Variants in POU6F2 observed in about 807,000 individuals in gnomAD.
The protein encoded by POU6F2 is POU domain, class 6, transcription factor 2.
POU6F2 carries 31 observed loss-of-function variants against 71.3 expected under a neutral mutation model. The observed-to-expected ratio is 0.43, with a 90% CI of 0.33 to 0.59. The LOEUF is 0.59. Ranked by LOEUF, POU6F2 falls within the 20% of genes least tolerant of loss-of-function variation. POU6F2 has a pLI of 0.04. For synonymous variants in POU6F2, 347 were observed against 355.7 expected (o/e 0.98, Z 0.27); for missense variants, 783 against 856.8 (o/e 0.91, Z 1.07).
At position 39,348,841 on chromosome 7, in the gene POU6F2, A is replaced by AT. The variant is rs1786081191; in HGVS notation, c.972+8827dup. Reference sequence around the variant, plus strand: ...GCTGCATGCTATATCCTGTTCCTGTATATTTTGCAAAGATTATTTGAATAC... The same window carrying AT: ...GCTGCATGCTATATCCTGTTCCTGTATTATTTTGCAAAGATTATTTGAATAC... On this transcript the variant is annotated intron_variant, in intron 5 of 9. Coordinates refer to ENST00000518318, the MANE Select transcript of POU6F2 (RefSeq NM_001370959.1). Among the ~76,000 whole-genome samples, 3 of 152,334 alleles carry AT rather than the reference A, an allele frequency of 2.0e-5. No homozygotes were observed. The South Asian group carries it at 6.2e-4, about 32-fold the overall frequency.
chr7:39,198,123 A>G (rs1418213865), intron 2 of POU6F2, among the ~76,000 whole-genome samples: 2 of 152,240 alleles, frequency 1.3e-5, no homozygotes, highest in Admixed American at 1.3e-4. Flanking sequence ...TGGGCTGGAT[A>G]TCACAGGAGT....
intron 8 of POU6F2, 124 bp downstream of exon 8, chr7:39,451,825 A>G: frequency 2.4e-6 from 3 of 1,246,426 alleles, no homozygotes; most frequent in South Asian, 3.0e-5. Flanking sequence ...CTGCACAGGA[A>G]TTTCCTGGCA....
rs115550582 is a variant in POU6F2 at position 39,071,924 on chromosome 7, C to T, written c.106-13936C>T. ...ATGATTTCTTGCTGATTTACTTTAA[C>T]GAAGTATTCAGCAGGCTTGATTAGA... On this transcript the variant is annotated intron_variant, in intron 1 of 9. Transcript: ENST00000518318. 5.8e-3 allele frequency among the ~76,000 whole-genome samples: 882 copies of T among 152,144 alleles called. 7 individuals are homozygous for T. The highest frequency in any genetic ancestry group is 0.02 in the African/African-American group (842 of 41,480).
chr7:39,122,894 G>C (rs1468407868), intron 2 of POU6F2, among the ~76,000 whole-genome samples: 1 of 151,934 alleles, frequency 6.6e-6, no homozygotes, highest in Non-Finnish European at 1.5e-5. Context: ...TTTTAGTAGA[G>C]ACGGGGTTTT....
intron 1 of POU6F2, among the ~76,000 whole-genome samples, chr7:39,059,671 T>C (rs7804890): frequency 6.6e-6 from 1 of 152,076 alleles, no homozygotes; most frequent in Non-Finnish European, 1.5e-5. Flanking sequence ...GAAATGATAT[T>C]CCTAAATCTA....
intron 4 of POU6F2, among the ~76,000 whole-genome samples, chr7:39,269,814 G>A (rs923578306): frequency 6.6e-6 from 1 of 152,090 alleles, no homozygotes; most frequent in African/African-American, 2.4e-5. Context: ...CACAGTGTGA[G>A]GGTCATATAA....
intron 4 of POU6F2, among the ~76,000 whole-genome samples, chr7:39,309,519 G>T (rs1036855869): frequency 6.6e-6 from 1 of 152,162 alleles, no homozygotes; most frequent in Non-Finnish European, 1.5e-5. Context: ...AGAAGACATG[G>T]TTAAGAAGGA....
intron 2 of POU6F2, among the ~76,000 whole-genome samples, chr7:39,122,880 G>A (rs946617614): frequency 6.6e-6 from 1 of 151,846 alleles, no homozygotes; most frequent in African/African-American, 2.4e-5. Flanking sequence ...GCTAATTTTT[G>A]TATTTTTAGT....
intron 5 of POU6F2, among the ~76,000 whole-genome samples, chr7:39,353,410 G>A (rs1048361723): frequency 2.6e-5 from 4 of 152,182 alleles, no homozygotes; most frequent in East Asian, 1.9e-4. Context: ...ACATGTGAAC[G>A]ACAAATCCTC....
chr7:39,244,782 C>G (rs1046517589), intron 4 of POU6F2, among the ~76,000 whole-genome samples: 1 of 152,144 alleles, frequency 6.6e-6, no homozygotes, highest in African/African-American at 2.4e-5. Context: ...ATCACCATCC[C>G]CAACTCAGAG....
At chr7:39,449,852 G>T (rs553228004) in intron 7 of POU6F2, among the ~76,000 whole-genome samples, 1 of 152,260 alleles carries the variant, frequency 6.6e-6, no homozygotes, top group African/African-American at 2.4e-5. Context: ...AAAGTAGCCA[G>T]ATACAAGAAG....
chr7:39,327,868 A>G (rs1253848225), intron 4 of POU6F2, among the ~76,000 whole-genome samples: 1 of 151,272 alleles, frequency 6.6e-6, no homozygotes, highest in Non-Finnish European at 1.5e-5. Context: ...AAAAAAAAAA[A>G]GATGGTGTTC....
chr7:39,203,155 A>T (rs960277524), intron 2 of POU6F2, among the ~76,000 whole-genome samples: 1 of 152,162 alleles, frequency 6.6e-6, no homozygotes, highest in East Asian at 1.9e-4. Context: ...CCCTTTGGAG[A>T]ATATATAGGA....
chr7:39,339,604 A>C lies in POU6F2; in HGVS notation c.599-38A>C, dbSNP rs553594653. On this transcript the variant is annotated intron_variant, in intron 4 of 9. Coordinates refer to ENST00000518318, the MANE Select transcript of POU6F2 (RefSeq NM_001370959.1). ...TCAAGACCCAGCAAGACACTTTGTC[A>C]TGTTATCTCACTCCACATTCGCTTT... 1.9e-6 allele frequency: 3 copies of C among 1,545,084 alleles called. No homozygotes were observed. The Admixed American group carries it at 5.5e-5, about 28-fold the overall frequency.
intron 2 of POU6F2, among the ~76,000 whole-genome samples, chr7:39,195,131 T>C (rs531175880): frequency 6.6e-5 from 10 of 152,354 alleles, no homozygotes; most frequent in African/African-American, 2.2e-4. Flanking sequence ...ATTTCAAGAT[T>C]CATATTCCTA....
chr7:39,248,337 G>T (rs1783855730), intron 4 of POU6F2, among the ~76,000 whole-genome samples: 1 of 152,138 alleles, frequency 6.6e-6, no homozygotes. Flanking sequence ...AACAGCTTGA[G>T]AAAGAATTCT....
At chr7:39,051,587 A>G (rs1790401484) in intron 1 of POU6F2, among the ~76,000 whole-genome samples, 1 of 152,160 alleles carries the variant, frequency 6.6e-6, no homozygotes, top group Non-Finnish European at 1.5e-5. Flanking sequence ...AGGTGTAGGA[A>G]TTGAACAATG....
intron 4 of POU6F2, among the ~76,000 whole-genome samples, chr7:39,331,731 G>A (rs1785656299): frequency 2.0e-5 from 3 of 152,134 alleles, no homozygotes; most frequent in South Asian, 2.1e-4. Flanking sequence ...GGCTGGTCTC[G>A]AACTCCTGAC....
chr7:39,426,772 A>G (rs1216650050), intron 6 of POU6F2, among the ~76,000 whole-genome samples: 2 of 152,202 alleles, frequency 1.3e-5, no homozygotes, highest in African/African-American at 4.8e-5. Context: ...CCACCTCTGG[A>G]AGTGAGGAAG....
Sources: gnomAD v4.1 joint callset for allele counts (sites outside exome capture counted in the v4.1 genomes callset) on GRCh38, gnomAD v4.1.1 for gene constraint, MANE v1.5 for transcripts, NCBI Gene and HGNC (gene_info 2026-07-23, HGNC 2026-07-21) for gene names.